Variants in C8A observed in about 807,000 individuals in gnomAD.
C8A encodes complement C8 alpha chain.
Under a neutral mutation model 65.3 loss-of-function variants are expected in C8A, and 67 were observed. The ratio of observed to expected loss-of-function variants is 1.03; its 90% confidence interval spans 0.84 to 1.26. The LOEUF (loss-of-function observed/expected upper bound fraction) is 1.26. C8A is among the 50% of genes most tolerant of loss of function. C8A has a pLI of 0.00. For missense variants in C8A, 781 were observed against 723.9 expected (o/e 1.08, Z -0.90); for synonymous variants, 290 against 259.4 (o/e 1.12, Z -1.13).
intron 1 of C8A, among the ~76,000 whole-genome samples, chr1:56,857,143 G>A (rs1017280126): frequency 2.6e-5 from 4 of 152,024 alleles, no homozygotes; most frequent in South Asian, 2.1e-4. Context: ...GTAGTTCCAA[G>A]TCAATTAAGT....
At chr1:56,871,764 G>A (rs1255496533) in intron 2 of C8A, among the ~76,000 whole-genome samples, 2 of 152,232 alleles carry the variant, frequency 1.3e-5, no homozygotes, top group Non-Finnish European at 1.5e-5. Context: ...TTATCAAGTT[G>A]GTAGGTACAG....
At chr1:56,857,885 G>A (rs1643993547) in intron 1 of C8A, among the ~76,000 whole-genome samples, 1 of 151,972 alleles carries the variant, frequency 6.6e-6, no homozygotes, top group Non-Finnish European at 1.5e-5. Flanking sequence ...AGAGATGCTA[G>A]CCTGCTTGAT....
intron 1 of C8A, among the ~76,000 whole-genome samples, chr1:56,866,652 G>A (rs957854331): frequency 2.0e-5 from 3 of 152,236 alleles, no homozygotes; most frequent in Non-Finnish European, 4.4e-5. Context: ...AGAGGCTGTG[G>A]TAATTCTAGT....
intron 2 of C8A, among the ~76,000 whole-genome samples, chr1:56,868,739 C>T (rs904890243): frequency 1.3e-5 from 2 of 152,210 alleles, no homozygotes; most frequent in Non-Finnish European, 2.9e-5. Flanking sequence ...CGGCATACCA[C>T]TCACTGCCTG....
chr1:56,886,520 C>T (rs58983677), intron 7 of C8A, among the ~76,000 whole-genome samples: 23,852 of 152,164 alleles, frequency 0.16, 2,185 homozygotes, highest in East Asian at 0.35. Flanking sequence ...GGAACTACCA[C>T]ACAGTCAGTG....
chr1:56,886,747 A>T (rs773870344), intron 7 of C8A, among the ~76,000 whole-genome samples: 17 of 152,140 alleles, frequency 1.1e-4, no homozygotes, highest in Non-Finnish European at 2.4e-4. Context: ...AATTGGATGG[A>T]TCTTTCTACT....
chr1:56,881,706 G>C, intron 5 of C8A, 72 bp downstream of exon 5: 1 of 1,396,086 alleles, frequency 7.2e-7, no homozygotes, highest in Non-Finnish European at 1.0e-6. Context: ...TATTTGTGGA[G>C]ATGACTTGCT....
At chr1:56,857,781 A>T (rs1048773224) in intron 1 of C8A, among the ~76,000 whole-genome samples, 1 of 151,776 alleles carries the variant, frequency 6.6e-6, no homozygotes, top group African/African-American at 2.4e-5. Context: ...TGTGGGTTAT[A>T]GTTTTCATCA....
At chr1:56,858,684 T>A (rs949643856) in intron 1 of C8A, among the ~76,000 whole-genome samples, 1 of 152,238 alleles carries the variant, frequency 6.6e-6, no homozygotes, top group African/African-American at 2.4e-5. Flanking sequence ...AAAATTGATA[T>A]GTATTCAGGA....
At chr1:56,861,034 A>C (rs1408709713) in intron 1 of C8A, among the ~76,000 whole-genome samples, 1 of 152,210 alleles carries the variant, frequency 6.6e-6, no homozygotes, top group Non-Finnish European at 1.5e-5. Context: ...AAAGGAGTCT[A>C]TTTGGCTCAT....
intron 1 of C8A, among the ~76,000 whole-genome samples, chr1:56,860,573 C>T (rs571400850): frequency 6.6e-6 from 1 of 152,106 alleles, no homozygotes; most frequent in Non-Finnish European, 1.5e-5. Context: ...AAGGTCTTGG[C>T]CCACAGGAAG....
chr1:56,856,786 C>G (rs1044778059), intron 1 of C8A, among the ~76,000 whole-genome samples: 3 of 151,370 alleles, frequency 2.0e-5, no homozygotes, highest in African/African-American at 7.3e-5. Context: ...CAGTGGATCT[C>G]TATTACATAT....
chr1:56,888,526 A>G (rs573308112), intron 7 of C8A, among the ~76,000 whole-genome samples: 8 of 152,304 alleles, frequency 5.3e-5, no homozygotes, highest in South Asian at 4.1e-4. Context: ...GAACAACAAC[A>G]AAGGACAGAA....
chr1:56,880,693 T>C (rs1386194141), intron 4 of C8A, among the ~76,000 whole-genome samples: 1 of 152,176 alleles, frequency 6.6e-6, no homozygotes, highest in African/African-American at 2.4e-5. Context: ...AGAGCCCTTA[T>C]ACTATACTAA....
At chr1:56,878,768 A>G (rs1644223786) in intron 4 of C8A, among the ~76,000 whole-genome samples, 1 of 152,080 alleles carries the variant, frequency 6.6e-6, no homozygotes, top group Non-Finnish European at 1.5e-5. Flanking sequence ...TTCCCTCCCT[A>G]GAGCTGACCC....
chr1:56,896,572 A>G lies in C8A; in HGVS notation c.1097-10095A>G, dbSNP rs116175910. Among the ~76,000 whole-genome samples the G allele has an allele frequency of 6.1e-3, 935 of 152,310 alleles. 9 individuals carry two copies. Among genetic ancestry groups the G allele is most frequent in the African/African-American group, 0.022 (904 of 41,570 alleles). The stretch of plus-strand genomic sequence containing the variant: ...TCCTTCGACTGATTGCATGAGGCCC[A>G]TGCACATTAGAAAGGGCAGTTTACT... On this transcript the variant is annotated intron_variant, in intron 7 of 10. Coordinates refer to ENST00000361249, the MANE Select transcript of C8A (RefSeq NM_000562.3).
chr1:56,906,762 C>T lies in C8A; in HGVS notation c.1192C>T (p.His398Tyr), dbSNP rs756406199. The T allele has an allele frequency of 3.1e-6, 5 of 1,613,980 alleles. No individual in the cohort carries two copies. Among genetic ancestry groups the T allele is most frequent in the South Asian group, 1.1e-5 (1 of 91,062 alleles). ...TGTTGGTGGAGGTTTATCAGGAGAC[C>T]ATTGTAAAAAATTTGGAGGTGGCAA... ...INVGGGLSGDHCKKFGGGKTE... is the reference protein window; with the variant it reads ...INVGGGLSGDYCKKFGGGKTE... Residue 398 changes from histidine to tyrosine, a missense_variant, in exon 8 of 11, where the codon CAT becomes TAT. Coordinates refer to ENST00000361249, the MANE Select transcript of C8A (RefSeq NM_000562.3).
intron 10 of C8A, among the ~76,000 whole-genome samples, chr1:56,916,923 GT>G (rs542557647): frequency 8.9e-4 from 135 of 152,320 alleles, no homozygotes; most frequent in African/African-American, 3.1e-3. Context: ...ATCTGAGGGG[GT>G]TTGATTTGCA....
chr1:56,856,500 C>T (rs1204215005), intron 1 of C8A, among the ~76,000 whole-genome samples: 1 of 152,056 alleles, frequency 6.6e-6, no homozygotes. Flanking sequence ...TCAGACAAAA[C>T]AAATTTATAA....
Sources: gnomAD v4.1 joint callset for allele counts (sites outside exome capture counted in the v4.1 genomes callset) on GRCh38, gnomAD v4.1.1 for gene constraint, MANE v1.5 for transcripts, NCBI Gene and HGNC (gene_info 2026-07-23, HGNC 2026-07-21) for gene names.